TRAPPC9: variants seen among roughly 807,000 people sequenced by gnomAD.
The protein encoded by TRAPPC9 is IKK2 binding protein.
In TRAPPC9, 83 loss-of-function variants were observed where a neutral mutation model predicts 124.0. That is an observed-to-expected ratio of 0.67 (90% CI 0.56 to 0.80). The LOEUF is 0.80. Among genes scored for constraint, TRAPPC9 ranks in the 30% least tolerant of loss-of-function variants. The probability of loss-of-function intolerance (pLI) is 0.00; values close to 1 mark genes in which losing one functional copy is unlikely to be tolerated. For synonymous variants in TRAPPC9, 638 were observed against 617.5 expected (o/e 1.03, Z -0.49); for missense variants, 1,302 against 1,508.3 (o/e 0.86, Z 2.27).
chr8:139,762,744 G>C lies in TRAPPC9; in HGVS notation c.3056-30542C>G, dbSNP rs1455033603. Among the ~76,000 whole-genome samples, 6 of 152,222 alleles carry C rather than the reference G, an allele frequency of 3.9e-5. No homozygotes were observed. The East Asian group carries it at 9.6e-4, about 24-fold the overall frequency. On this transcript the variant is annotated intron_variant, in intron 21 of 22. Transcript: ENST00000438773. The stretch of plus-strand genomic sequence containing the variant: ...AGAGTATACATGTGCCCAGGAAACA[G>C]ATGGCCAAGGTGCGGAGGGCACCTG...
chr8:140,048,026 C>A (rs1841732011), intron 17 of TRAPPC9, among the ~76,000 whole-genome samples: 1 of 152,240 alleles, frequency 6.6e-6, no homozygotes, highest in Non-Finnish European at 1.5e-5. Flanking sequence ...TGCATCTTCA[C>A]AAATGGCCCA....
intron 17 of TRAPPC9, among the ~76,000 whole-genome samples, chr8:140,033,121 C>T (rs1210160444): frequency 6.6e-6 from 1 of 152,078 alleles, no homozygotes; most frequent in Non-Finnish European, 1.5e-5. Flanking sequence ...AAGGAGATTA[C>T]CCCTTGTACG....
chr8:140,307,216 T>C (rs1355554723), intron 10 of TRAPPC9, among the ~76,000 whole-genome samples: 7 of 151,910 alleles, frequency 4.6e-5, no homozygotes, highest in African/African-American at 1.5e-4. Flanking sequence ...GGCCTGGAGG[T>C]GATGAGCCAC....
chr8:140,269,054 C>A (rs2064788943), intron 15 of TRAPPC9, among the ~76,000 whole-genome samples: 1 of 152,082 alleles, frequency 6.6e-6, no homozygotes, highest in South Asian at 2.1e-4. Context: ...CGTTCTATAT[C>A]CTGATAAGGG....
chr8:140,379,246 T>C (rs548940168), intron 7 of TRAPPC9, among the ~76,000 whole-genome samples: 1 of 152,316 alleles, frequency 6.6e-6, no homozygotes, highest in African/African-American at 2.4e-5. Context: ...GTTGCTCTCC[T>C]TTCCCTAGTG....
intron 20 of TRAPPC9, among the ~76,000 whole-genome samples, chr8:139,887,747 T>A (rs938700405): frequency 1.3e-5 from 2 of 152,242 alleles, no homozygotes; most frequent in Non-Finnish European, 2.9e-5. Context: ...GACACGGTCA[T>A]CTTCCTGTTA....
At chr8:139,845,352 C>A (rs536418773) in intron 21 of TRAPPC9, among the ~76,000 whole-genome samples, 1 of 152,252 alleles carries the variant, frequency 6.6e-6, no homozygotes, top group South Asian at 2.1e-4. Flanking sequence ...CTGGCCCAGG[C>A]CTTTATAAAC....
At position 139,778,837 on chromosome 8, in the gene TRAPPC9, G is replaced by A. The variant is rs192647901; in HGVS notation, c.3056-46635C>T. Among the ~76,000 whole-genome samples the A allele has an allele frequency of 1.7e-4, 26 of 152,232 alleles. No individual in the cohort carries two copies. In the East Asian group the frequency reaches 4.2e-3, roughly 25 times the overall value. On this transcript the variant is annotated intron_variant, in intron 21 of 22. Transcript: ENST00000438773. ...GACCTCTGAAGGAGAAGAGAGTGGA[G>A]GGAGACAGGAAAAATAATTTAAAAA...
intron 4 of TRAPPC9, among the ~76,000 whole-genome samples, chr8:140,430,429 G>C (rs1205986382): frequency 6.6e-6 from 1 of 152,062 alleles, no homozygotes; most frequent in Non-Finnish European, 1.5e-5. Context: ...GATGAGTTTG[G>C]GAGACAAGCT....
At chr8:140,426,533 A>G in intron 5 of TRAPPC9, 82 bp downstream of exon 5, 1 of 1,328,496 alleles carries the variant, frequency 7.5e-7, no homozygotes, top group Non-Finnish European at 1.1e-6. Flanking sequence ...ATCATCCAGA[A>G]ATTTTAACCA....
chr8:140,254,107 G>T (rs544118331), intron 15 of TRAPPC9, among the ~76,000 whole-genome samples: 56 of 152,284 alleles, frequency 3.7e-4, no homozygotes, highest in African/African-American at 1.3e-3. Context: ...CTAAAACCCA[G>T]GCACAGTATG....
At chr8:140,388,412 G>A (rs535042111) in intron 7 of TRAPPC9, among the ~76,000 whole-genome samples, 42 of 152,044 alleles carry the variant, frequency 2.8e-4, no homozygotes, top group East Asian at 9.7e-4. Context: ...GGCCGAGTGC[G>A]GTGGCTTACA....
At chr8:139,906,293 C>A (rs995172120) in intron 20 of TRAPPC9, among the ~76,000 whole-genome samples, 2 of 152,146 alleles carry the variant, frequency 1.3e-5, no homozygotes, top group African/African-American at 4.8e-5. Context: ...TGCCCTGGGA[C>A]ATGATCCTAG....
chr8:139,850,010 G>A (rs1827340751), intron 21 of TRAPPC9, among the ~76,000 whole-genome samples: 1 of 152,156 alleles, frequency 6.6e-6, no homozygotes, highest in Non-Finnish European at 1.5e-5. Context: ...TCTCTGCTCT[G>A]CTTCTCGGTT....
At chr8:140,277,980 G>A (rs1213960127) in intron 14 of TRAPPC9, among the ~76,000 whole-genome samples, 4 of 152,194 alleles carry the variant, frequency 2.6e-5, no homozygotes, top group Non-Finnish European at 5.9e-5. Context: ...GAAGTGCAAC[G>A]GGAGTCACTG....
In TRAPPC9 at chr8:140,219,198, G is replaced by C. The variant is rs557327437; in HGVS notation, c.2556+2261C>G. ...AATAAATCAGGGAAGAAAGGAAGGG[G>C]AGAAGGAAAAACAAAAAAGCCTGCA... is the stretch of plus-strand genomic sequence containing the variant. On this transcript the variant is annotated intron_variant, in intron 17 of 22. Coordinates refer to ENST00000438773, the MANE Select transcript of TRAPPC9 (RefSeq NM_001160372.4). Among the ~76,000 whole-genome samples, 5 of 152,270 alleles carry C rather than the reference G, an allele frequency of 3.3e-5. No homozygotes were observed. In the East Asian group the frequency reaches 9.7e-4, roughly 29 times the overall value.
At chr8:139,899,574 A>AG (rs1270045227) in intron 20 of TRAPPC9, among the ~76,000 whole-genome samples, 25 of 152,160 alleles carry the variant, frequency 1.6e-4, no homozygotes, top group Admixed American at 1.3e-4. Flanking sequence ...GGACCCACGT[A>AG]GTTCACACCT....
chr8:139,828,549 C>T (rs565475298), intron 21 of TRAPPC9, among the ~76,000 whole-genome samples: 14 of 152,338 alleles, frequency 9.2e-5, no homozygotes, highest in African/African-American at 1.2e-4. Flanking sequence ...GGGAAATGCT[C>T]CTTTGAAGGA....
At chr8:140,052,973 G>C (rs919975497) in intron 17 of TRAPPC9, among the ~76,000 whole-genome samples, 1 of 152,032 alleles carries the variant, frequency 6.6e-6, no homozygotes, top group African/African-American at 2.4e-5. Context: ...GATAGGAGTG[G>C]ATTCAAATCC....
Sources: gnomAD v4.1 joint callset for allele counts (sites outside exome capture counted in the v4.1 genomes callset) on GRCh38, gnomAD v4.1.1 for gene constraint, MANE v1.5 for transcripts, NCBI Gene and HGNC (gene_info 2026-07-23, HGNC 2026-07-21) for gene names.